Variants in UROS observed in about 807,000 individuals in gnomAD.
The protein encoded by UROS is uroporphyrinogen III synthase.
Under a neutral mutation model 33.0 loss-of-function variants are expected in UROS, and 18 were observed. The observed-to-expected ratio is 0.55, with a 90% CI of 0.38 to 0.81. UROS has a LOEUF of 0.81. Among genes scored for constraint, UROS ranks in the 30% least tolerant of loss-of-function variants. UROS has a pLI of 0.00. For synonymous variants in UROS, 114 were observed against 121.1 expected (o/e 0.94, Z 0.38); for missense variants, 293 against 314.9 (o/e 0.93, Z 0.53).
At chr10:125,802,725 G>A (rs1266958095) in intron 6 of UROS, 2 of 1,386,346 alleles carry the variant, frequency 1.4e-6, no homozygotes, top group Admixed American at 3.0e-5. Flanking sequence ...AAGCCTAGCA[G>A]TATCTCTTTA....
intron 1 of UROS, chr10:125,819,699 G>A (rs1029416127): frequency 2.6e-5 from 4 of 153,160 alleles, no homozygotes; most frequent in Admixed American, 2.0e-4. Flanking sequence ...TAGGAGGCTT[G>A]AGACTGGTGA....
At chr10:125,787,757 T>C (rs912233356), downstream of UROS, among the ~76,000 whole-genome samples, 2 of 152,154 alleles carry the variant, frequency 1.3e-5, no homozygotes, top group Non-Finnish European at 1.5e-5. Flanking sequence ...ATAATCCCGT[T>C]TTAGAACAGT....
intron 3 of UROS, among the ~76,000 whole-genome samples, chr10:125,815,484 T>A (rs1484967104): frequency 1.3e-5 from 2 of 152,120 alleles, no homozygotes; most frequent in African/African-American, 4.8e-5. Context: ...TTGACCCGAA[T>A]CTGTAATAAA....
chr10:125,792,424 G>A (rs1389295290), intron 9 of UROS: 2 of 152,228 alleles, frequency 1.3e-5, no homozygotes, highest in Non-Finnish European at 2.9e-5. Flanking sequence ...TGGCTTTGGG[G>A]GCAGCAGCCA....
Position 125,816,490 on chromosome 10 carries a change from G to A in UROS, c.10C>T (p.Leu4Phe), listed in dbSNP as rs121908015. Reference protein sequence around the residue: MKVLLLKDAKEDDC... With the variant: MKVFLLKDAKEDDC... ...TCTTCCTTCGCATCCTTCAGTAAAA[G>A]AACCTTCATTATTGCCTGGCAGTCC... Residue 4 changes from leucine to phenylalanine, a missense_variant, in exon 2 of 10, where the codon CTT becomes TTT. By Grantham distance (22) the Leu-to-Phe change is conservative. Transcript: ENST00000368797. 9.9e-6 allele frequency: 16 copies of A among 1,614,044 alleles called. No individual in the cohort carries two copies. Among genetic ancestry groups the A allele is most frequent in the African/African-American group, 1.3e-5 (1 of 74,914 alleles).
At chr10:125,807,075 T>C (rs2133896654) in intron 6 of UROS, 2 of 332,416 alleles carry the variant, frequency 6.0e-6, no homozygotes, top group East Asian at 1.4e-4. Context: ...AGGACAGTCC[T>C]CAGTAAGGGG....
chr10:125,790,950 G>C (rs1417369079), intron 9 of UROS, among the ~76,000 whole-genome samples: 1 of 150,490 alleles, frequency 6.6e-6, no homozygotes, highest in Non-Finnish European at 1.5e-5. Context: ...AAATTAGCCA[G>C]GCATGGTGGC....
Position 125,816,475 on chromosome 10 carries a change from C to T in UROS, c.25G>A (p.Ala9Thr). The stretch of plus-strand genomic sequence containing the variant: ...TCCTGGCCACAGTCATCTTCCTTCG[C>T]ATCCTTCAGTAAAAGAACCTTCATT... Reference protein sequence around the residue: MKVLLLKDAKEDDCGQDPY... With the variant: MKVLLLKDTKEDDCGQDPY... The change falls in exon 2 of 10, where the codon GCG (alanine) becomes ACG (threonine). Residue 9 changes from alanine (A) to threonine (T), a missense_variant. Physicochemically the swap from Ala to Thr is moderately conservative, Grantham distance 58 (BLOSUM62 0). Transcript: ENST00000368797. 1 of 1,614,202 alleles carries T rather than the reference C, an allele frequency of 6.2e-7. No homozygotes were observed. The highest frequency in any genetic ancestry group is 1.1e-5 in the South Asian group (1 of 91,086).
At chr10:125,804,726 G>T (rs1214420906) in intron 6 of UROS, among the ~76,000 whole-genome samples, 3 of 152,160 alleles carry the variant, frequency 2.0e-5, no homozygotes, top group Non-Finnish European at 4.4e-5. Context: ...CCACCTATTT[G>T]GTATCCTGAG....
chr10:125,788,045 G>A (rs1180433449), downstream of UROS, among the ~76,000 whole-genome samples: 1 of 152,210 alleles, frequency 6.6e-6, no homozygotes, highest in East Asian at 1.9e-4. Flanking sequence ...GAGGAATGGA[G>A]ATCAGAGACG....
chr10:125,794,611 G>C (rs1049570777), intron 9 of UROS, among the ~76,000 whole-genome samples: 3 of 152,124 alleles, frequency 2.0e-5, no homozygotes, highest in Non-Finnish European at 4.4e-5. Flanking sequence ...ATGTAATCCT[G>C]AGACTCATCC....
chr10:125,788,805 T>A lies in UROS; in HGVS notation c.*63A>T. 1 of 1,528,868 alleles carries A rather than the reference T, an allele frequency of 6.5e-7. No individual in the cohort carries two copies. Among genetic ancestry groups the A allele is most frequent in the South Asian group, 1.2e-5 (1 of 83,088 alleles). 94.7% of individuals were successfully genotyped at this position (1,528,868 alleles called of 1,614,324 possible). On this transcript the variant is annotated 3_prime_UTR_variant, in exon 10 of 10. Coordinates refer to ENST00000368797, the MANE Select transcript of UROS (RefSeq NM_000375.3). Reference sequence around the variant, plus strand: ...GCTCCCGAGAGCCCTTGCCGATGCCTGGCTCCATCCAGAGCCAGCCCAGCC... The same window carrying A: ...GCTCCCGAGAGCCCTTGCCGATGCCAGGCTCCATCCAGAGCCAGCCCAGCC...
intron 8 of UROS, 123 bp downstream of exon 8, chr10:125,795,972 AAGGCATGC>A (rs1564778047): frequency 8.5e-6 from 7 of 826,978 alleles, no homozygotes; most frequent in African/African-American, 6.7e-5. Context: ...GTGACAGGAA[AAGGCATGC>A]AGGTGACAGC....
chr10:125,797,519 CTA>C (rs1851464911), intron 7 of UROS, among the ~76,000 whole-genome samples: 1 of 152,214 alleles, frequency 6.6e-6, no homozygotes, highest in Non-Finnish European at 1.5e-5. Context: ...CCCAGACTAA[CTA>C]TGTGACAGCA....
downstream of UROS, among the ~76,000 whole-genome samples, chr10:125,786,835 T>G (rs1316531801): frequency 6.6e-6 from 1 of 152,228 alleles, no homozygotes; most frequent in Non-Finnish European, 1.5e-5. Flanking sequence ...TCTTACCTTC[T>G]GTCCCACCAA....
rs142130255 is a variant in UROS at position 125,788,785 on chromosome 10, C to T, written c.*83G>A. On this transcript the variant is annotated 3_prime_UTR_variant, in exon 10 of 10. Coordinates refer to ENST00000368797, the MANE Select transcript of UROS (RefSeq NM_000375.3). ...GCAGGAGTCTGACGGCAGCAGCTCC[C>T]GAGAGCCCTTGCCGATGCCTGGCTC... The T allele has an allele frequency of 2.6e-4, 397 of 1,503,998 alleles. 1 individual carries two copies. The African/African-American group carries it at 4.5e-3, about 17-fold the overall frequency. 93.2% of individuals were successfully genotyped at this position (1,503,998 alleles called of 1,614,324 possible).
downstream of UROS, chr10:125,785,535 A>G (rs1476232874): frequency 6.6e-6 from 1 of 152,244 alleles, no homozygotes; most frequent in Non-Finnish European, 1.5e-5. Flanking sequence ...AGACTTGTAT[A>G]CAACACAATG....
At chr10:125,803,124 C>T (rs1851981601) in intron 6 of UROS, 2 of 1,552,460 alleles carry the variant, frequency 1.3e-6, no homozygotes, top group Non-Finnish European at 1.8e-6. Context: ...TCAGCCAGTC[C>T]TAGGCTTGAG....
At chr10:125,805,456 G>C (rs751766346) in intron 6 of UROS, among the ~76,000 whole-genome samples, 7 of 152,176 alleles carry the variant, frequency 4.6e-5, no homozygotes, top group Non-Finnish European at 8.8e-5. Context: ...CCACTTCATA[G>C]CTTGTGACCT....
Sources: gnomAD v4.1 joint callset for allele counts (sites outside exome capture counted in the v4.1 genomes callset) on GRCh38, gnomAD v4.1.1 for gene constraint, MANE v1.5 for transcripts, NCBI Gene and HGNC (gene_info 2026-07-23, HGNC 2026-07-21) for gene names.